The following SGCD variants were observed in gnomAD, a reference collection of about 807,000 sequenced individuals.
The protein encoded by SGCD is delta-sarcoglycan.
SGCD carries 18 observed loss-of-function variants against 36.6 expected under a neutral mutation model. The ratio of observed to expected loss-of-function variants is 0.49; its 90% CI spans 0.34 to 0.73. The LOEUF (loss-of-function observed/expected upper bound fraction) is 0.73. SGCD is among the 30% of genes least tolerant of loss of function. SGCD has a pLI of 0.01. For synonymous variants in SGCD, 133 were observed against 130.6 expected, an observed-to-expected ratio of 1.02 and a Z score of -0.12; for missense variants, 387 against 346.7, an observed-to-expected ratio of 1.12 and a Z score of -0.92.
chr5:156,600,526 T>C (rs757391813), intron 6 of SGCD, among the ~76,000 whole-genome samples: 9 of 152,248 alleles, frequency 5.9e-5, no homozygotes, highest in Admixed American at 3.3e-4. Context: ...CAGTATTCCA[T>C]TGTGTACACA....
intron 3 of SGCD, among the ~76,000 whole-genome samples, chr5:156,303,391 C>A (rs1767109260): frequency 1.3e-5 from 2 of 152,106 alleles, no homozygotes; most frequent in African/African-American, 4.8e-5. Context: ...CACCTGTAAC[C>A]AAGGGTGGTT....
chr5:156,607,482 A>T (rs1761526448), intron 6 of SGCD, among the ~76,000 whole-genome samples: 1 of 152,202 alleles, frequency 6.6e-6, no homozygotes, highest in Admixed American at 6.5e-5. Flanking sequence ...ATCGATGTTC[A>T]TCAGGGATAT....
intron 3 of SGCD, among the ~76,000 whole-genome samples, chr5:156,470,179 G>A (rs904749212): frequency 6.6e-6 from 1 of 152,128 alleles, no homozygotes; most frequent in South Asian, 2.1e-4. Context: ...GAGAACATGA[G>A]AGGAAAGATA....
intron 4 of SGCD, among the ~76,000 whole-genome samples, chr5:156,557,823 A>G (rs1581165716): frequency 6.6e-6 from 1 of 152,010 alleles, no homozygotes; most frequent in East Asian, 1.9e-4. Flanking sequence ...GGCAGGCCTC[A>G]ATTACTGCAT....
intron 3 of SGCD, among the ~76,000 whole-genome samples, chr5:156,220,851 A>G (rs1032073371): frequency 3.3e-5 from 5 of 152,124 alleles, no homozygotes; most frequent in Non-Finnish European, 7.4e-5. Context: ...ACTGAATTTA[A>G]TACTTGTTGT....
At chr5:156,014,027 C>T (rs1758914780) in intron 1 of SGCD, among the ~76,000 whole-genome samples, 1 of 151,416 alleles carries the variant, frequency 6.6e-6, no homozygotes, top group Non-Finnish European at 1.5e-5. Context: ...GTTAGAAAAT[C>T]CTTCTAGCAT....
intron 3 of SGCD, among the ~76,000 whole-genome samples, chr5:156,164,391 T>TC (rs1763163889): frequency 6.6e-6 from 1 of 152,142 alleles, no homozygotes; most frequent in Admixed American, 6.5e-5. Context: ...GCCTTTTTTT[T>TC]CCCCTTTCTT....
chr5:156,227,072 C>T (rs1227116876), intron 3 of SGCD, among the ~76,000 whole-genome samples: 1 of 152,012 alleles, frequency 6.6e-6, no homozygotes, highest in Non-Finnish European at 1.5e-5. Flanking sequence ...GCTGACGGTT[C>T]TTTTGCCATG....
intron 3 of SGCD, among the ~76,000 whole-genome samples, chr5:156,285,054 G>A (rs6864200): frequency 0.054 from 8,236 of 152,128 alleles, 672 homozygotes; most frequent in African/African-American, 0.17. Context: ...GCTAAATCAC[G>A]AGTGAACTCC....
intron 3 of SGCD, among the ~76,000 whole-genome samples, chr5:156,224,261 G>T (rs1258200758): frequency 3.3e-5 from 5 of 151,880 alleles, no homozygotes; most frequent in Admixed American, 3.3e-4. Flanking sequence ...CAGACCCAGA[G>T]CCCATTCTCT....
At chr5:156,071,314 G>T (rs1030486481) in intron 1 of SGCD, among the ~76,000 whole-genome samples, 29 of 152,304 alleles carry the variant, frequency 1.9e-4, no homozygotes, top group African/African-American at 7.0e-4. Context: ...GTGTCCCAGA[G>T]ATTCTGGTAT....
At chr5:156,490,963 C>A (rs1184875741) in intron 3 of SGCD, among the ~76,000 whole-genome samples, 1 of 152,110 alleles carries the variant, frequency 6.6e-6, no homozygotes, top group African/African-American at 2.4e-5. Context: ...AACCTAAATA[C>A]TCCACCAGAA....
At chr5:156,748,968 T>C (rs1433070962) in intron 7 of SGCD, among the ~76,000 whole-genome samples, 2 of 152,104 alleles carry the variant, frequency 1.3e-5, no homozygotes. Context: ...TTTTACTATG[T>C]TGGCCAGGCT....
intron 7 of SGCD, among the ~76,000 whole-genome samples, chr5:156,702,618 A>G (rs1662585634): frequency 6.6e-6 from 1 of 152,146 alleles, no homozygotes; most frequent in Admixed American, 6.5e-5. Flanking sequence ...GGCTTTATAC[A>G]GCTTCTTTTT....
intron 7 of SGCD, among the ~76,000 whole-genome samples, chr5:156,690,570 G>A (rs909305604): frequency 5.9e-5 from 9 of 152,146 alleles, no homozygotes; most frequent in Middle Eastern, 6.8e-3. Context: ...TCACATCTAA[G>A]CAGAAGCTCA....
chr5:155,926,772 G>A (rs191382526), intron 1 of SGCD, among the ~76,000 whole-genome samples: 6 of 152,026 alleles, frequency 3.9e-5, no homozygotes, highest in Non-Finnish European at 7.4e-5. Context: ...CCAAAATTTT[G>A]TTTTTTAAAA....
rs182350534 is a variant in SGCD at position 156,282,240 on chromosome 5, A to G, written c.-43-47294A>G. 3.3e-4 allele frequency among the ~76,000 whole-genome samples: 50 copies of G among 152,322 alleles called. 1 individual carries two copies. The East Asian group carries it at 9.3e-3, about 28-fold the overall frequency. On this transcript the variant is annotated intron_variant, in intron 3 of 9. Coordinates refer to the SGCD transcript ENST00000517913. ...AATTCTCCTACTATAGTATGGCAGAATAAGTGTTTGGAAAGCAGAAGCAAC... is the reference window on the plus strand; with the variant it reads ...AATTCTCCTACTATAGTATGGCAGAGTAAGTGTTTGGAAAGCAGAAGCAAC...
the SGCD span, among the ~76,000 whole-genome samples, chr5:155,798,674 C>T: frequency 1.3e-5 from 2 of 152,020 alleles, no homozygotes; most frequent in East Asian, 1.9e-4. Flanking sequence ...CCTTTGTTTG[C>T]GGGAGGTGAT....
intron 4 of SGCD, among the ~76,000 whole-genome samples, chr5:156,536,895 A>G (rs548693869): frequency 3.9e-5 from 6 of 152,212 alleles, no homozygotes; most frequent in Non-Finnish European, 8.8e-5. Flanking sequence ...GGCCCTCATC[A>G]TCTTCTGATG....
Sources: gnomAD v4.1 joint callset for allele counts (sites outside exome capture counted in the v4.1 genomes callset) on GRCh38, gnomAD v4.1.1 for gene constraint, MANE v1.5 for transcripts, NCBI Gene and HGNC (gene_info 2026-07-23, HGNC 2026-07-21) for gene names.